The following PIR variants were observed in gnomAD, a reference collection of about 807,000 sequenced individuals.
PIR encodes pirin.
Under a neutral mutation model 24.2 loss-of-function variants are expected in PIR, and 22 were observed. That is an observed-to-expected ratio of 0.91 (90% confidence interval 0.65 to 1.30). The LOEUF (loss-of-function observed/expected upper bound fraction) is 1.30. Among genes scored for constraint, PIR ranks in the 50% most tolerant of loss-of-function variants. The probability of loss-of-function intolerance (pLI) is 0.00; values close to 1 mark genes in which losing one functional copy is unlikely to be tolerated. For missense variants in PIR, 220 were observed against 220.3 expected, an observed-to-expected ratio of 1.00 and a Z score of 0.01; for synonymous variants, 80 against 79.6, an observed-to-expected ratio of 1.00 and a Z score of -0.03.
chrX:15,407,475 T>C (rs934618113), intron 7 of PIR, 31 bp downstream of exon 7: 2 of 1,115,312 alleles, frequency 1.8e-6, no homozygotes, highest in Admixed American at 2.2e-5. Context: ...TAAATTGCAA[T>C]TGAGCCCTAA....
chrX:15,486,833 T>C (rs1469845347), intron 2 of PIR, among the ~76,000 whole-genome samples: 1 of 112,384 alleles, frequency 8.9e-6, no homozygotes, highest in Non-Finnish European at 1.9e-5. Context: ...CTGGAGTGCC[T>C]ATTTTGGCAC....
intron 5 of PIR, among the ~76,000 whole-genome samples, chrX:15,427,713 C>T (rs1255992508): frequency 1.8e-5 from 2 of 110,322 alleles, no homozygotes; most frequent in Non-Finnish European, 3.8e-5. Context: ...CACACACACA[C>T]ACACACATAT....
At position 15,459,743 on chromosome X, in the gene PIR, T is replaced by C. The variant is rs1339788001; in HGVS notation, c.190-3A>G. On this transcript the variant is annotated splice_region_variant and splice_polypyrimidine_tract_variant and intron_variant, in intron 3 of 9. Coordinates refer to ENST00000380420, the MANE Select transcript of PIR (RefSeq NM_001018109.3). Reference sequence around the variant, plus strand: ...CCCCCTTCCAGGAGGTAGGATACCTTTGAAAAACAAACAGGAAAAAAAGTA... The same window carrying C: ...CCCCCTTCCAGGAGGTAGGATACCTCTGAAAAACAAACAGGAAAAAAAGTA... 9.0e-7 allele frequency: 1 copy of C among 1,108,099 alleles called. No homozygotes were observed. The allele number at this position is 1,108,099 out of a possible 1,213,427, so 91.3% of individuals were successfully genotyped here. A position where few individuals can be genotyped will look rare whatever the true frequency, so the allele number is the denominator to read the frequency against.
chrX:15,415,710 T>A (rs1924892102), intron 6 of PIR, among the ~76,000 whole-genome samples: 1 of 111,928 alleles, frequency 8.9e-6, no homozygotes, highest in Admixed American at 9.5e-5. Context: ...AGTGTATAAA[T>A]ACTTCAAAAC....
intron 2 of PIR, among the ~76,000 whole-genome samples, chrX:15,487,199 G>C (rs1922883352): frequency 8.9e-6 from 1 of 112,072 alleles, no homozygotes; most frequent in Non-Finnish European, 1.9e-5. Context: ...CCACTTCCTT[G>C]ATTCAATATC....
intron 6 of PIR, among the ~76,000 whole-genome samples, chrX:15,409,344 G>C (rs1347397202): frequency 9.2e-6 from 1 of 109,177 alleles, no homozygotes; most frequent in Admixed American, 9.7e-5. Flanking sequence ...TGATCCACCC[G>C]CCTCGGCCTC....
At chrX:15,485,250 T>C (rs763317806) in intron 2 of PIR, among the ~76,000 whole-genome samples, 1 of 112,220 alleles carries the variant, frequency 8.9e-6, no homozygotes, top group South Asian at 3.7e-4. Flanking sequence ...AAGTCCAAGA[T>C]TAAGGCACCA....
chrX:15,414,872 A>C (rs894594406), intron 6 of PIR, among the ~76,000 whole-genome samples: 3 of 111,890 alleles, frequency 2.7e-5, no homozygotes, highest in Admixed American at 1.9e-4. Context: ...GCCAAAATTG[A>C]AACATATTTA....
chrX:15,441,565 A>G (rs1925914991), intron 5 of PIR, among the ~76,000 whole-genome samples: 1 of 110,978 alleles, frequency 9.0e-6, no homozygotes, highest in Admixed American at 9.6e-5. Context: ...TAATATGTTA[A>G]TAGAAAAAAA....
intron 9 of PIR, among the ~76,000 whole-genome samples, chrX:15,387,005 G>A (rs1424321012): frequency 9.3e-6 from 1 of 108,106 alleles, no homozygotes; most frequent in Non-Finnish European, 1.9e-5. Context: ...GATACAGGAC[G>A]TGGGAGGCTT....
At chrX:15,490,170 T>C (rs1177805505) in intron 2 of PIR, among the ~76,000 whole-genome samples, 1 of 111,934 alleles carries the variant, frequency 8.9e-6, no homozygotes, top group African/African-American at 3.3e-5. Flanking sequence ...TTGTACATCA[T>C]AAATATATAC....
At chrX:15,489,568 G>C (rs1424538429) in intron 2 of PIR, among the ~76,000 whole-genome samples, 1 of 111,707 alleles carries the variant, frequency 9.0e-6, no homozygotes, top group Admixed American at 9.5e-5. Context: ...TGGTGATGTA[G>C]CCTAGTAGAA....
At chrX:15,401,207 C>A (rs1005103699) in intron 7 of PIR, among the ~76,000 whole-genome samples, 1 of 108,588 alleles carries the variant, frequency 9.2e-6, no homozygotes, top group African/African-American at 3.5e-5. Flanking sequence ...CATGCACTAC[C>A]ATGCCTAGCT....
At chrX:15,456,557 C>G (rs1375667696) in intron 4 of PIR, among the ~76,000 whole-genome samples, 1 of 112,470 alleles carries the variant, frequency 8.9e-6, no homozygotes, top group Non-Finnish European at 1.9e-5. Context: ...ATCCCCACAT[C>G]AGCAAACCAT....
At chrX:15,455,745 G>T in intron 5 of PIR, 103 bp downstream of exon 5, 1 of 629,742 alleles carries the variant, frequency 1.6e-6, no homozygotes, top group East Asian at 3.2e-5. Flanking sequence ...CCATCCCATG[G>T]GACATGAATT....
At chrX:15,391,064 T>C (rs1260494364) in intron 8 of PIR, among the ~76,000 whole-genome samples, 1 of 111,527 alleles carries the variant, frequency 9.0e-6, no homozygotes, top group Non-Finnish European at 1.9e-5. Flanking sequence ...ACAGCAGAAA[T>C]TGAAAACATT....
At chrX:15,409,729 C>T (rs989580322) in intron 6 of PIR, among the ~76,000 whole-genome samples, 2 of 111,300 alleles carry the variant, frequency 1.8e-5, no homozygotes, top group African/African-American at 3.3e-5. Flanking sequence ...TCAAAAGTTT[C>T]GCCACAATTG....
intron 6 of PIR, among the ~76,000 whole-genome samples, chrX:15,422,479 G>T (rs1925167151): frequency 9.0e-6 from 1 of 110,590 alleles, no homozygotes; most frequent in Non-Finnish European, 1.9e-5. Context: ...TGGTAAAGTT[G>T]CAGGATACAA....
At chrX:15,389,558 T>C (rs1438757072) in intron 9 of PIR, among the ~76,000 whole-genome samples, 3 of 111,069 alleles carry the variant, frequency 2.7e-5, no homozygotes, top group African/African-American at 9.8e-5. Context: ...ATAAAATGGG[T>C]TTTAATTGCT....
Sources: gnomAD v4.1 joint callset for allele counts (sites outside exome capture counted in the v4.1 genomes callset) on GRCh38, gnomAD v4.1.1 for gene constraint, MANE v1.5 for transcripts, NCBI Gene and HGNC (gene_info 2026-07-23, HGNC 2026-07-21) for gene names.